The following MYO1D variants were observed in gnomAD, a reference collection of about 807,000 sequenced individuals.
MYO1D encodes the protein unconventional myosin-Id.
In MYO1D, 83 loss-of-function variants were observed where a neutral mutation model predicts 122.0. The observed-to-expected ratio is 0.68, with a 90% confidence interval of 0.57 to 0.82. MYO1D has a LOEUF of 0.82. MYO1D is among the 40% of genes least tolerant of loss of function. The pLI, the probability that MYO1D is intolerant of heterozygous loss-of-function variation, is 0.00. For synonymous variants in MYO1D, 464 were observed against 446.9 expected (o/e 1.04, Z -0.48); for missense variants, 1,157 against 1,269.5 (o/e 0.91, Z 1.35).
rs577360627 is a variant in MYO1D, at chr17:32,761,934, A to G, written c.1036-1307T>C. Among the ~76,000 whole-genome samples the G allele has an allele frequency of 3.3e-5, 5 of 152,276 alleles. No individual in the cohort carries two copies. In the East Asian group the frequency reaches 9.7e-4, roughly 29 times the overall value. ...GATACAGGTCTAGGCAAACACAAAC[A>G]TAGTCTCAATGTCCAAGAAACTTAG... On this transcript the variant is annotated intron_variant, in intron 8 of 21. Coordinates refer to ENST00000318217, the MANE Select transcript of MYO1D (RefSeq NM_015194.3).
intron 14 of MYO1D, among the ~76,000 whole-genome samples, chr17:32,733,647 T>C (rs1385633978): frequency 6.6e-6 from 1 of 152,206 alleles, no homozygotes; most frequent in African/African-American, 2.4e-5. Context: ...GGCCCTGGGC[T>C]TCACTTCAAG....
At chr17:32,513,966 G>A (rs1025916946) in intron 21 of MYO1D, among the ~76,000 whole-genome samples, 10 of 151,628 alleles carry the variant, frequency 6.6e-5, no homozygotes, top group East Asian at 3.9e-4. Context: ...TTTTTTGGCC[G>A]GGCATGGTGG....
chr17:32,762,893 A>G (rs1166881465), intron 8 of MYO1D, among the ~76,000 whole-genome samples: 1 of 151,338 alleles, frequency 6.6e-6, no homozygotes. Flanking sequence ...AAAAAAAAAA[A>G]AAGACAAAAA....
rs551207045 is a variant in MYO1D, at chr17:32,492,961, G to T, written c.*1798C>A. The T allele has an allele frequency of 1.3e-5, 2 of 152,782 alleles. No homozygotes were observed. The highest frequency in any genetic ancestry group is 4.1e-4 in the South Asian group (2 of 4,830). 9.5% of individuals were successfully genotyped at this position (152,782 alleles called of 1,614,324 possible). ...GCTGGGAGGAAAGAACCCAAACCCAGGCCCTCCTCCTGCCCTCCAGCCTTT... is the reference window on the plus strand; with the variant it reads ...GCTGGGAGGAAAGAACCCAAACCCATGCCCTCCTCCTGCCCTCCAGCCTTT... On this transcript the variant is annotated 3_prime_UTR_variant, in exon 22 of 22. Transcript: ENST00000318217.
rs148684548 is a variant in MYO1D at position 32,620,553 on chromosome 17, C to G, written c.2710-15312G>C. On this transcript the variant is annotated intron_variant, in intron 20 of 21. Transcript: ENST00000318217. ...AAAAAGAAAAGCCAGGGAACCCCCCCCTGCCAAGTTCCTCCAGAGTCCTGA... is the reference window on the plus strand; with the variant it reads ...AAAAAGAAAAGCCAGGGAACCCCCCGCTGCCAAGTTCCTCCAGAGTCCTGA... 1.9e-3 allele frequency among the ~76,000 whole-genome samples: 294 copies of G among 152,264 alleles called. No homozygotes were observed. In the East Asian group the frequency reaches 0.02, roughly 11 times the overall value.
chr17:32,813,868 T>C (rs902827089), intron 1 of MYO1D, among the ~76,000 whole-genome samples: 1 of 152,180 alleles, frequency 6.6e-6, no homozygotes, highest in African/African-American at 2.4e-5. Flanking sequence ...ATTGACCTCA[T>C]CTGGTGATTG....
At chr17:32,841,196 GT>G (rs2090876971) in intron 1 of MYO1D, among the ~76,000 whole-genome samples, 1 of 152,174 alleles carries the variant, frequency 6.6e-6, no homozygotes, top group Admixed American at 6.5e-5. Context: ...GCCAGGCACA[GT>G]GGTTCACACC....
chr17:32,646,555 A>G (rs2150945489), intron 19 of MYO1D, among the ~76,000 whole-genome samples: 1 of 152,234 alleles, frequency 6.6e-6, no homozygotes, highest in Non-Finnish European at 1.5e-5. Context: ...GCAAAAGAAT[A>G]TGATTTAAAA....
intron 16 of MYO1D, among the ~76,000 whole-genome samples, chr17:32,698,242 TTTCTC>T (rs1189635132): frequency 6.6e-6 from 1 of 151,866 alleles, no homozygotes; most frequent in Non-Finnish European, 1.5e-5. Context: ...TTTTCTTTCT[TTTCTC>T]TTTTCTTTTT....
intron 16 of MYO1D, among the ~76,000 whole-genome samples, chr17:32,690,162 T>C (rs1303853929): frequency 1.3e-5 from 2 of 151,892 alleles, no homozygotes; most frequent in Non-Finnish European, 2.9e-5. Flanking sequence ...GTATTTGGGG[T>C]ATCCGTTCCC....
At chr17:32,656,792 T>G (rs2088483160) in intron 17 of MYO1D, among the ~76,000 whole-genome samples, 2 of 152,216 alleles carry the variant, frequency 1.3e-5, no homozygotes, top group Non-Finnish European at 1.5e-5. Flanking sequence ...CTTACAATAC[T>G]CAGTGGCTTC....
intron 1 of MYO1D, among the ~76,000 whole-genome samples, chr17:32,813,131 CTTCTT>C (rs1400724874): frequency 6.6e-6 from 1 of 152,214 alleles, no homozygotes; most frequent in African/African-American, 2.4e-5. Flanking sequence ...ACTTCAGTCT[CTTCTT>C]TATTATATCC....
intron 6 of MYO1D, among the ~76,000 whole-genome samples, chr17:32,769,922 A>G (rs934134663): frequency 6.6e-6 from 1 of 152,246 alleles, no homozygotes; most frequent in South Asian, 2.1e-4. Context: ...CGACTTGGTC[A>G]AAAGTAACTT....
intron 13 of MYO1D, among the ~76,000 whole-genome samples, chr17:32,738,662 C>A (rs2089737673): frequency 6.6e-6 from 1 of 152,052 alleles, no homozygotes; most frequent in South Asian, 2.1e-4. Flanking sequence ...CTACCTAGGA[C>A]CCTCAAATGG....
At chr17:32,633,874 C>T (rs2088058863) in intron 20 of MYO1D, among the ~76,000 whole-genome samples, 1 of 152,216 alleles carries the variant, frequency 6.6e-6, no homozygotes. Context: ...ACACACCTCA[C>T]ACGTTCTATC....
intron 1 of MYO1D, among the ~76,000 whole-genome samples, chr17:32,867,512 G>C (rs1046770480): frequency 3.9e-5 from 6 of 151,934 alleles, no homozygotes; most frequent in African/African-American, 1.2e-4. Context: ...AATTCAAGTA[G>C]TTGGCCGGGT....
chr17:32,572,221 ACTT>A (rs1224393568), intron 21 of MYO1D, among the ~76,000 whole-genome samples: 1 of 151,382 alleles, frequency 6.6e-6, no homozygotes, highest in Non-Finnish European at 1.5e-5. Context: ...TCCTTCCAGC[ACTT>A]TTACTCCCCC....
intron 16 of MYO1D, among the ~76,000 whole-genome samples, chr17:32,684,968 A>G (rs920664719): frequency 2.6e-5 from 4 of 152,120 alleles, no homozygotes; most frequent in East Asian, 1.9e-4. Flanking sequence ...CGGCTTCCCT[A>G]TTCATTCTAG....
intron 16 of MYO1D, among the ~76,000 whole-genome samples, chr17:32,692,874 T>C (rs2089122022): frequency 6.6e-6 from 1 of 152,242 alleles, no homozygotes; most frequent in Admixed American, 6.5e-5. Context: ...TTTAATAAGG[T>C]TGATAATTAA....
Sources: gnomAD v4.1 joint callset for allele counts (sites outside exome capture counted in the v4.1 genomes callset) on GRCh38, gnomAD v4.1.1 for gene constraint, MANE v1.5 for transcripts, NCBI Gene and HGNC (gene_info 2026-07-23, HGNC 2026-07-21) for gene names.